The following ORC3 variants were observed in gnomAD, a reference collection of about 807,000 sequenced individuals.
ORC3 encodes the protein origin recognition complex subunit 3.
In ORC3, 78 loss-of-function variants were observed where a neutral mutation model predicts 100.7. The observed-to-expected ratio is 0.77, with a 90% CI of 0.65 to 0.94. ORC3 has a LOEUF of 0.94. ORC3 is among the 40% of genes least tolerant of loss of function. The pLI, the probability that ORC3 is intolerant of heterozygous loss-of-function variation, is 0.00. For synonymous variants in ORC3, 295 were observed against 289.3 expected (o/e 1.02, Z -0.20); for missense variants, 789 against 823.9 (o/e 0.96, Z 0.52).
intron 9 of ORC3, 111 bp from the exon 10 acceptor site, chr6:87,621,243 G>C: frequency 1.6e-6 from 1 of 635,904 alleles, no homozygotes; most frequent in South Asian, 3.6e-5. Flanking sequence ...ATATATTAGT[G>C]CCATAAATAC....
intron 13 of ORC3, chr6:87,650,964 G>T: frequency 3.0e-6 from 1 of 335,384 alleles, no homozygotes; most frequent in South Asian, 2.5e-5. Flanking sequence ...CCGAGATCAC[G>T]CCATTGCACC....
At chr6:87,599,714 G>A (rs1405910435) in intron 2 of ORC3, among the ~76,000 whole-genome samples, 1 of 151,196 alleles carries the variant, frequency 6.6e-6, no homozygotes, top group Non-Finnish European at 1.5e-5. Context: ...GGTGATGTAC[G>A]CCTGTAATAC....
chr6:87,599,740 C>G (rs1488639342), intron 2 of ORC3, among the ~76,000 whole-genome samples: 1 of 151,968 alleles, frequency 6.6e-6, no homozygotes, highest in Non-Finnish European at 1.5e-5. Flanking sequence ...CTTTGGGAGG[C>G]CAAGGTGGGC....
chr6:87,604,695 A>G (rs1778205363), intron 4 of ORC3, among the ~76,000 whole-genome samples: 2 of 152,242 alleles, frequency 1.3e-5, no homozygotes, highest in Admixed American at 1.3e-4. Flanking sequence ...GAAAGCCAAG[A>G]TAACCCAGTG....
intron 13 of ORC3, among the ~76,000 whole-genome samples, chr6:87,652,545 G>A (rs1769359673): frequency 6.6e-6 from 1 of 152,208 alleles, no homozygotes; most frequent in Admixed American, 6.5e-5. Context: ...CATAGGAGAT[G>A]TAAAGCATAG....
intron 7 of ORC3, among the ~76,000 whole-genome samples, chr6:87,610,295 G>A (rs1051800634): frequency 2.6e-5 from 4 of 151,850 alleles, no homozygotes; most frequent in East Asian, 1.9e-4. Context: ...TGCCACCTCC[G>A]CCTCCCGGGT....
At chr6:87,661,860 T>G (rs1293775072) in intron 16 of ORC3, among the ~76,000 whole-genome samples, 1 of 152,216 alleles carries the variant, frequency 6.6e-6, no homozygotes, top group East Asian at 1.9e-4. Context: ...CCCCTCCAAT[T>G]TGCCACCCTC....
intron 13 of ORC3, among the ~76,000 whole-genome samples, chr6:87,644,079 CTTTTTTTTTTTTTTTTTTTTT>C (rs1156943778): frequency 1.9e-5 from 1 of 51,390 alleles, no homozygotes; most frequent in South Asian, 8.6e-4. Context: ...GCTGACTGTC[CTTTTTTTTTTTTTTTTTTTTT>C]TTTTTTTTTT....
chr6:87,601,777 T>G lies in ORC3; in HGVS notation c.80-7T>G, dbSNP rs775623462. 6.6e-7 allele frequency: 1 copy of G among 1,525,982 alleles called. No individual in the cohort carries two copies. The highest frequency in any genetic ancestry group is 9.1e-7 in the Non-Finnish European group (1 of 1,101,554). The allele number at this position is 1,525,982 out of a possible 1,614,324, so 94.5% of individuals were successfully genotyped here. A position where few individuals can be genotyped will look rare whatever the true frequency, so the allele number is the denominator to read the frequency against. On this transcript the variant is annotated splice_polypyrimidine_tract_variant and splice_region_variant and intron_variant, in intron 2 of 19. Coordinates refer to ENST00000392844, the MANE Select transcript of ORC3 (RefSeq NM_012381.4). ...AAAGAAACTGACTTATTTCTTTCTG[T>G]TTTTAGAGGACTATTTTAACAAAGG...
rs200347033 is a variant in ORC3 at position 87,642,908 on chromosome 6, GATAA to G, written c.1382+6432_1382+6435del. 2.3e-3 allele frequency among the ~76,000 whole-genome samples: 342 copies of G among 148,008 alleles called. 5 individuals are homozygous for G. In the East Asian group the frequency reaches 0.063, roughly 27 times the overall value. On this transcript the variant is annotated intron_variant, in intron 13 of 19. Transcript: ENST00000392844. Reference sequence around the variant, plus strand: ...CAGAGCAAAACTCTGTCTCAAAAAAGATAAATAAATAAAAAATAAAAATAAAATG... The same window carrying G: ...CAGAGCAAAACTCTGTCTCAAAAAAGATAAATAAAAAATAAAAATAAAATG...
chr6:87,594,086 C>T (rs1206081753), intron 1 of ORC3, among the ~76,000 whole-genome samples: 1 of 152,138 alleles, frequency 6.6e-6, no homozygotes, highest in African/African-American at 2.4e-5. Context: ...CTTTGTCTAC[C>T]TCTTAGATCA....
intron 7 of ORC3, among the ~76,000 whole-genome samples, chr6:87,611,805 G>T (rs927223819): frequency 1.3e-5 from 2 of 151,770 alleles, no homozygotes; most frequent in African/African-American, 4.8e-5. Flanking sequence ...AAAAAAGATG[G>T]TATAATCTTC....
At chr6:87,656,613 C>T (rs965029062) in intron 14 of ORC3, among the ~76,000 whole-genome samples, 2 of 151,436 alleles carry the variant, frequency 1.3e-5, no homozygotes, top group Admixed American at 1.3e-4. Flanking sequence ...TTTTTTGAGA[C>T]TTTTTGCTGT....
chr6:87,648,542 T>A (rs1222950465), intron 13 of ORC3, among the ~76,000 whole-genome samples: 2 of 152,202 alleles, frequency 1.3e-5, no homozygotes, highest in African/African-American at 2.4e-5. Context: ...AGCATGGATG[T>A]CAAGCTGAAC....
intron 18 of ORC3, 84 bp from the exon 19 acceptor site, chr6:87,665,670 T>C (rs1272241245): frequency 5.3e-6 from 4 of 750,532 alleles, no homozygotes; most frequent in Non-Finnish European, 9.3e-6. Context: ...GTGCCAGCTA[T>C]CAACAGCCAT....
At chr6:87,618,553 A>C (rs1208371833) in intron 9 of ORC3, among the ~76,000 whole-genome samples, 2 of 152,246 alleles carry the variant, frequency 1.3e-5, no homozygotes, top group Non-Finnish European at 2.9e-5. Flanking sequence ...ACAGAAGTGT[A>C]TGCCTAAGAA....
chr6:87,664,824 T>C lies in ORC3; in HGVS notation c.1915T>C (p.Cys639Arg). 1.9e-6 allele frequency: 3 copies of C among 1,613,712 alleles called. No homozygotes were observed. Among genetic ancestry groups the C allele is most frequent in the Non-Finnish European group, 2.5e-6 (3 of 1,179,726 alleles). The change falls in exon 18 of 20, where the codon TGT becomes CGT. Residue 639 changes from cysteine to arginine, a missense_variant. Around this residue, in one of 3 missense-constraint regions of ORC3, gnomAD observed 366 missense variants for 394.2 expected, o/e 0.93. Transcript: ENST00000392844. ...ICIAYKLHLECSRLINLVDWS... is the reference protein window; with the variant it reads ...ICIAYKLHLERSRLINLVDWS... ...CATAGCATACAAACTGCACCTAGAG[T>C]GTAGCAGGCTCATCAACCTCGTGGA...
intron 11 of ORC3, among the ~76,000 whole-genome samples, chr6:87,624,013 G>C (rs1222587693): frequency 2.0e-5 from 3 of 152,116 alleles, no homozygotes; most frequent in Admixed American, 1.3e-4. Context: ...AGTTTTGCTT[G>C]TTATGATCTT....
At chr6:87,665,070 C>T (rs1250170254) in intron 18 of ORC3, among the ~76,000 whole-genome samples, 1 of 152,190 alleles carries the variant, frequency 6.6e-6, no homozygotes, top group African/African-American at 2.4e-5. Context: ...GCCCTCTGAT[C>T]CTGAATTCCT....
Sources: allele counts gnomAD v4.1 joint callset (sites outside exome capture counted in the v4.1 genomes callset), GRCh38; gene constraint gnomAD v4.1.1; regional missense constraint gnomAD v4.1.1; transcripts MANE v1.5; gene names NCBI Gene and HGNC (gene_info 2026-07-23, HGNC 2026-07-21).